CDH12: variants seen among roughly 807,000 people sequenced by gnomAD.
The protein encoded by CDH12 is cadherin-12.
CDH12 carries 41 observed loss-of-function variants against 74.1 expected under a neutral mutation model. The ratio of observed to expected loss-of-function variants is 0.55; its 90% CI spans 0.43 to 0.72. The LOEUF (loss-of-function observed/expected upper bound fraction) is 0.72, where lower values mean the gene tolerates loss of function less well. Ranked by LOEUF, CDH12 falls within the 30% of genes least tolerant of loss-of-function variation. The pLI, the probability that CDH12 is intolerant of heterozygous loss-of-function variation, is 0.00. For synonymous variants in CDH12, 399 were observed against 355.0 expected (o/e 1.12, Z -1.39); for missense variants, 945 against 977.2 (o/e 0.97, Z 0.44).
rs149918147 is a variant in CDH12 at position 22,035,713 on chromosome 5, TACACACACAC to T, written c.231+42723_231+42732del. On this transcript the variant is annotated intron_variant, in intron 5 of 14. Transcript: ENST00000382254. ...TTCTTCTTTTTTTACACTTCACACA[TACACACACAC>T]ACACACACACACACACACACACACA... Among the ~76,000 whole-genome samples the T allele has an allele frequency of 5.5e-3, 784 of 143,290 alleles. 14 individuals are homozygous for T. The highest frequency in any genetic ancestry group is 0.015 in the Middle Eastern group (4 of 272). 94.0% of individuals were successfully genotyped at this position (143,290 alleles called of 152,430 possible).
chr5:22,626,424 A>C (rs930861259), intron 1 of CDH12, among the ~76,000 whole-genome samples: 1 of 152,132 alleles, frequency 6.6e-6, no homozygotes, highest in African/African-American at 2.4e-5. Flanking sequence ...TTAGGGAATA[A>C]AGCTGGGGCC....
intron 1 of CDH12, among the ~76,000 whole-genome samples, chr5:22,676,070 T>C (rs1031825967): frequency 2.0e-5 from 3 of 151,656 alleles, no homozygotes; most frequent in Non-Finnish European, 4.4e-5. Flanking sequence ...TGAATTATTT[T>C]ACACAAACTT....
intron 5 of CDH12, among the ~76,000 whole-genome samples, chr5:21,993,973 T>A (rs1736121987): frequency 6.6e-6 from 1 of 151,938 alleles, no homozygotes; most frequent in South Asian, 2.1e-4. Flanking sequence ...TGATACATTT[T>A]AATTTGTTTG....
intron 3 of CDH12, among the ~76,000 whole-genome samples, chr5:22,249,415 A>T (rs966770240): frequency 6.6e-6 from 1 of 152,190 alleles, no homozygotes; most frequent in Non-Finnish European, 1.5e-5. Flanking sequence ...CGGAGTAGAG[A>T]TAATGAAAGC....
intron 1 of CDH12, among the ~76,000 whole-genome samples, chr5:22,641,415 G>A (rs1015980587): frequency 6.6e-6 from 1 of 151,984 alleles, no homozygotes; most frequent in Non-Finnish European, 1.5e-5. Flanking sequence ...TCTATTTGGG[G>A]CCCCAAGTGG....
At chr5:22,293,056 C>T (rs561619656) in intron 3 of CDH12, among the ~76,000 whole-genome samples, 89 of 152,106 alleles carry the variant, frequency 5.9e-4, no homozygotes, top group African/African-American at 2.1e-3. Context: ...CATCCATTCC[C>T]AATCTGTAAC....
chr5:22,409,661 C>G (rs1017093728), intron 2 of CDH12, among the ~76,000 whole-genome samples: 1 of 152,064 alleles, frequency 6.6e-6, no homozygotes. Flanking sequence ...TAATTGAGGA[C>G]TAAGCTATTG....
chr5:22,452,360 C>T (rs1207009849), intron 2 of CDH12, among the ~76,000 whole-genome samples: 1 of 151,822 alleles, frequency 6.6e-6, no homozygotes, highest in Non-Finnish European at 1.5e-5. Flanking sequence ...ATAATCCTAG[C>T]ATAAACACAG....
intron 2 of CDH12, among the ~76,000 whole-genome samples, chr5:22,451,480 A>T (rs1486942515): frequency 6.6e-6 from 1 of 151,966 alleles, no homozygotes. Flanking sequence ...CCATAAAATC[A>T]TTTCAATAGA....
chr5:21,985,692 G>C (rs1415711128), intron 5 of CDH12, among the ~76,000 whole-genome samples: 3 of 152,102 alleles, frequency 2.0e-5, no homozygotes, highest in Non-Finnish European at 2.9e-5. Flanking sequence ...ACTTTTGCTA[G>C]ATTCTTCCTG....
At chr5:21,956,611 T>A (rs1756110286) in intron 6 of CDH12, among the ~76,000 whole-genome samples, 1 of 152,096 alleles carries the variant, frequency 6.6e-6, no homozygotes, top group Admixed American at 6.6e-5. Flanking sequence ...TTTTTGTGAT[T>A]CCTATTCCTC....
In CDH12 at chr5:22,135,051, G is replaced by T. The variant is rs546555833; in HGVS notation, c.-186-56189C>A. Among the ~76,000 whole-genome samples, 7 of 152,074 alleles carry T rather than the reference G, an allele frequency of 4.6e-5. No individual in the cohort carries two copies. In the East Asian group the frequency reaches 1.4e-3, roughly 29 times the overall value. On this transcript the variant is annotated intron_variant, in intron 4 of 14. Coordinates refer to ENST00000382254, the MANE Select transcript of CDH12 (RefSeq NM_004061.5). ...CAAATGGCAAAGAGAGTGAACCAGTGTAAGAGCAAACAAATTGCACCATAA... is the reference window on the plus strand; with the variant it reads ...CAAATGGCAAAGAGAGTGAACCAGTTTAAGAGCAAACAAATTGCACCATAA...
chr5:22,351,235 A>C (rs972341953), intron 3 of CDH12, among the ~76,000 whole-genome samples: 1 of 152,196 alleles, frequency 6.6e-6, no homozygotes. Context: ...GAAATAAATA[A>C]GGGCAGGTTT....
intron 1 of CDH12, among the ~76,000 whole-genome samples, chr5:22,765,849 TA>T (rs1183583123): frequency 1.3e-5 from 2 of 151,758 alleles, no homozygotes; most frequent in African/African-American, 4.8e-5. Context: ...AAACATTAAG[TA>T]ATACTCAGAA....
intron 6 of CDH12, chr5:21,883,800 C>A: frequency 1.9e-6 from 3 of 1,588,776 alleles, no homozygotes; most frequent in Non-Finnish European, 2.6e-6. Context: ...AGTAGTTGTG[C>A]TGAAGTTTGG....
intron 1 of CDH12, among the ~76,000 whole-genome samples, chr5:22,631,456 T>TA (rs35914836): frequency 0.33 from 49,450 of 151,602 alleles, 8,557 homozygotes; most frequent in African/African-American, 0.44. Flanking sequence ...TTTGCAGCCT[T>TA]AAAAAAAATG....
chr5:22,294,168 G>C (rs1737524571), intron 3 of CDH12, among the ~76,000 whole-genome samples: 3 of 152,018 alleles, frequency 2.0e-5, no homozygotes, highest in Admixed American at 6.6e-5. Flanking sequence ...GTGAGATAGA[G>C]ATAGAAAAGA....
intron 3 of CDH12, among the ~76,000 whole-genome samples, chr5:22,306,042 T>C (rs1738091608): frequency 6.6e-6 from 1 of 152,180 alleles, no homozygotes; most frequent in Non-Finnish European, 1.5e-5. Context: ...AACTGACCAA[T>C]TGAACTGTTA....
intron 5 of CDH12, among the ~76,000 whole-genome samples, chr5:22,051,326 T>G (rs1314586941): frequency 5.3e-5 from 8 of 152,098 alleles, no homozygotes; most frequent in Non-Finnish European, 1.0e-4. Context: ...CTAAGAAAAA[T>G]TCACCTAGAT....
Sources: allele counts gnomAD v4.1 joint callset (sites outside exome capture counted in the v4.1 genomes callset), GRCh38; gene constraint gnomAD v4.1.1; transcripts MANE v1.5; gene names NCBI Gene and HGNC (gene_info 2026-07-23, HGNC 2026-07-21).